The following SMG6 variants were observed in gnomAD, a reference collection of about 807,000 sequenced individuals.
The protein encoded by SMG6 is telomerase-binding protein EST1A.
A neutral mutation model predicts 142.2 loss-of-function variants in SMG6; 66 were observed. That is an observed-to-expected ratio of 0.46 (90% CI 0.38 to 0.57). The LOEUF is 0.57. SMG6 is among the 20% of genes least tolerant of loss of function. The pLI, the probability that SMG6 is intolerant of heterozygous loss-of-function variation, is 0.00. For missense variants in SMG6, 1,793 were observed against 1,832.0 expected (o/e 0.98, Z 0.39); for synonymous variants, 779 against 702.4 (o/e 1.11, Z -1.72).
At chr17:2,276,863 C>T (rs1209565215) in intron 8 of SMG6, among the ~76,000 whole-genome samples, 1 of 151,886 alleles carries the variant, frequency 6.6e-6, no homozygotes, top group African/African-American at 2.4e-5. Flanking sequence ...CTCACCGCAA[C>T]CTCCACCTCC....
intron 13 of SMG6, among the ~76,000 whole-genome samples, chr17:2,126,861 T>C (rs2984942): frequency 0.34 from 51,165 of 151,730 alleles, 9,134 homozygotes; most frequent in African/African-American, 0.46. Flanking sequence ...AAGAGAAGCT[T>C]TGACAACATG....
intron 8 of SMG6, among the ~76,000 whole-genome samples, chr17:2,259,807 G>GA (rs2074273626): frequency 6.6e-6 from 1 of 152,018 alleles, no homozygotes; most frequent in Admixed American, 6.6e-5. Context: ...GAAAACCCCT[G>GA]AATCTCTCAG....
At chr17:2,153,021 G>T (rs1403139402) in intron 13 of SMG6, among the ~76,000 whole-genome samples, 7 of 152,144 alleles carry the variant, frequency 4.6e-5, no homozygotes, top group African/African-American at 1.7e-4. Context: ...ATTGATATAG[G>T]CAACAGCATG....
intron 18 of SMG6, 122 bp downstream of exon 18, chr17:2,064,951 G>A: frequency 1.3e-6 from 1 of 767,272 alleles, no homozygotes; most frequent in Non-Finnish European, 2.2e-6. Context: ...CATCAGCCCT[G>A]AGCACTGATT....
chr17:2,125,401 T>C (rs1230351957), intron 13 of SMG6, among the ~76,000 whole-genome samples: 1 of 152,206 alleles, frequency 6.6e-6, no homozygotes, highest in Non-Finnish European at 1.5e-5. Flanking sequence ...AAAGAAAATC[T>C]GAGGATAATT....
At chr17:2,147,505 G>A (rs1409553670) in intron 13 of SMG6, among the ~76,000 whole-genome samples, 2 of 152,174 alleles carry the variant, frequency 1.3e-5, no homozygotes, top group East Asian at 1.9e-4. Context: ...GGAAGGCTGA[G>A]GCAGGAGAAT....
At chr17:2,136,977 G>A (rs1274948911) in intron 13 of SMG6, among the ~76,000 whole-genome samples, 1 of 151,996 alleles carries the variant, frequency 6.6e-6, no homozygotes. Context: ...GGGCAACATG[G>A]TGAGACCTCT....
chr17:2,198,719 G>A (rs372395835), intron 10 of SMG6, among the ~76,000 whole-genome samples: 138 of 151,982 alleles, frequency 9.1e-4, no homozygotes, highest in African/African-American at 3.2e-3. Context: ...AAGTAAAACC[G>A]AAGAAGATCT....
chr17:2,249,377 C>T (rs1023182823), intron 8 of SMG6, among the ~76,000 whole-genome samples: 2 of 152,194 alleles, frequency 1.3e-5, no homozygotes, highest in African/African-American at 2.4e-5. Flanking sequence ...CTCACTGCAG[C>T]CTCTGACTCC....
chr17:2,127,394 CT>C (rs1235289626), intron 13 of SMG6: 48 of 671,104 alleles, frequency 7.2e-5, no homozygotes, highest in Admixed American at 7.7e-5. Context: ...ATGGTAAATC[CT>C]TTTCCCCCCC....
intron 8 of SMG6, among the ~76,000 whole-genome samples, chr17:2,267,809 G>A (rs921689550): frequency 3.3e-5 from 5 of 150,138 alleles, no homozygotes; most frequent in East Asian, 2.0e-4. Context: ...GTGCCGTGGC[G>A]CGATCTCGGC....
intron 13 of SMG6, among the ~76,000 whole-genome samples, chr17:2,169,607 T>A (rs900199044): frequency 2.0e-5 from 3 of 152,280 alleles, no homozygotes; most frequent in African/African-American, 7.2e-5. Flanking sequence ...CCCTGAGGCA[T>A]GAGCGCTTGG....
intron 6 of SMG6, among the ~76,000 whole-genome samples, chr17:2,287,821 C>T (rs934118348): frequency 4.6e-5 from 7 of 152,136 alleles, no homozygotes; most frequent in Non-Finnish European, 8.8e-5. Context: ...TGTATAATTC[C>T]ACTTATATGA....
chr17:2,260,928 G>A (rs925538692), intron 8 of SMG6, among the ~76,000 whole-genome samples: 10 of 151,756 alleles, frequency 6.6e-5, no homozygotes, highest in Non-Finnish European at 1.2e-4. Flanking sequence ...CCCGGGAGGC[G>A]GAGGTTGCAG....
At chr17:2,146,857 C>T (rs368785898) in intron 13 of SMG6, among the ~76,000 whole-genome samples, 2 of 152,136 alleles carry the variant, frequency 1.3e-5, no homozygotes, top group East Asian at 1.9e-4. Flanking sequence ...TGAGCCACCA[C>T]GCATGGCCTA....
chr17:2,144,349 G>T (rs958705211), intron 13 of SMG6, among the ~76,000 whole-genome samples: 1 of 152,152 alleles, frequency 6.6e-6, no homozygotes, highest in African/African-American at 2.4e-5. Context: ...TTACAGGCGT[G>T]AGCCATGGCG....
At chr17:2,167,944 A>T (rs899164623) in intron 13 of SMG6, among the ~76,000 whole-genome samples, 6 of 151,958 alleles carry the variant, frequency 3.9e-5, no homozygotes, top group Non-Finnish European at 8.8e-5. Context: ...CGCAATCATA[A>T]TGAGCACCAA....
At chr17:2,177,704 A>G (rs1356275768) in intron 12 of SMG6, among the ~76,000 whole-genome samples, 3 of 152,234 alleles carry the variant, frequency 2.0e-5, no homozygotes, top group Admixed American at 2.0e-4. Flanking sequence ...GGAAGATCAG[A>G]GAAGCAGTAC....
At position 2,283,627 on chromosome 17, in the gene SMG6, T is replaced by C; in HGVS notation, c.2446A>G (p.Lys816Glu). The change falls in exon 7 of 19, where the codon AAG (lysine) becomes GAG (glutamate). Residue 816 changes from lysine to glutamate, a missense_variant and splice_region_variant. Around this residue, in one of 3 missense-constraint regions of SMG6, gnomAD observed 1,597 missense variants for 1,584.6 expected, o/e 1.01. Transcript: ENST00000263073. ...LMSLFEETKRKAEQMEKKQHE... is the reference protein window; with the variant it reads ...LMSLFEETKREAEQMEKKQHE... ...GGTTCTGCCACATCCCCACTCACCT[T>C]CCGCTTGGTCTCTTCAAACAAGCTC... 1 of 1,613,374 alleles carries C rather than the reference T, an allele frequency of 6.2e-7. No individual in the cohort carries two copies. Among genetic ancestry groups the C allele is most frequent in the Non-Finnish European group, 8.5e-7 (1 of 1,179,384 alleles).
Sources: allele counts gnomAD v4.1 joint callset (sites outside exome capture counted in the v4.1 genomes callset), GRCh38; gene constraint gnomAD v4.1.1; regional missense constraint gnomAD v4.1.1; transcripts MANE v1.5; gene names NCBI Gene and HGNC (gene_info 2026-07-23, HGNC 2026-07-21).